Variants in RANBP2 observed in about 807,000 individuals in gnomAD.
The protein encoded by RANBP2 is E3 SUMO-protein ligase RanBP2.
Under a neutral mutation model 303.6 loss-of-function variants are expected in RANBP2, and 57 were observed. The observed-to-expected ratio is 0.19, with a 90% CI of 0.15 to 0.23. RANBP2 has a LOEUF of 0.23. Ranked by LOEUF, RANBP2 falls within the 10% of genes least tolerant of loss-of-function variation. The pLI, the probability that RANBP2 is intolerant of heterozygous loss-of-function variation, is 1.00. For missense variants in RANBP2, 3,138 were observed against 3,780.8 expected (o/e 0.83, Z 4.46); for synonymous variants, 1,167 against 1,301.5 (o/e 0.90, Z 2.23).
the RANBP2 span, among the ~76,000 whole-genome samples, chr2:108,986,317 G>A: frequency 1.3e-5 from 2 of 152,082 alleles, no homozygotes; most frequent in Non-Finnish European, 1.5e-5. Context: ...TTGATCCCTC[G>A]CCTCTGAGGA....
At chr2:109,337,193 G>T in the RANBP2 span, among the ~76,000 whole-genome samples, 9 of 152,112 alleles carry the variant, frequency 5.9e-5, no homozygotes, top group Admixed American at 5.2e-4. Context: ...CCTGAGATTG[G>T]CCACATGATT....
At chr2:109,250,600 GTAA>G in the RANBP2 span, among the ~76,000 whole-genome samples, 3 of 151,468 alleles carry the variant, frequency 2.0e-5, no homozygotes, top group Admixed American at 6.6e-5. Context: ...AATAATAACA[GTAA>G]TAATAATAAT....
the RANBP2 span, among the ~76,000 whole-genome samples, chr2:109,436,422 G>A: frequency 7.9e-5 from 12 of 152,172 alleles, no homozygotes; most frequent in South Asian, 8.3e-4. Context: ...GAAGGATGTC[G>A]TGCTGTGTGT....
the RANBP2 span, among the ~76,000 whole-genome samples, chr2:109,308,024 G>A: frequency 1.4e-5 from 2 of 145,888 alleles, no homozygotes; most frequent in Non-Finnish European, 3.0e-5. Context: ...GGTTGAACTA[G>A]TTTACAGTCC....
the RANBP2 span, chr2:109,129,729 C>G: frequency 1.8e-5 from 28 of 1,538,580 alleles, no homozygotes; most frequent in Non-Finnish European, 2.4e-5. Flanking sequence ...GTCTGGAGCG[C>G]CTGGACACCA....
chr2:108,807,595 T>C, the RANBP2 span, among the ~76,000 whole-genome samples: 5 of 152,158 alleles, frequency 3.3e-5, no homozygotes, highest in Non-Finnish European at 4.4e-5. Flanking sequence ...TAGAACTTAT[T>C]CCTCTTATCT....
chr2:108,788,170 G>A (rs1679237670), downstream of RANBP2: 6 of 1,444,660 alleles, frequency 4.2e-6, no homozygotes, highest in Middle Eastern at 5.0e-4. Context: ...TGTAATCCCA[G>A]CACTTTGGGA....
At chr2:109,428,380 G>A in the RANBP2 span, among the ~76,000 whole-genome samples, 6 of 152,234 alleles carry the variant, frequency 3.9e-5, no homozygotes, top group African/African-American at 1.2e-4. Flanking sequence ...AGTAGTATGG[G>A]TAAGCGAAGG....
At chr2:109,012,737 A>G in the RANBP2 span, among the ~76,000 whole-genome samples, 3 of 152,168 alleles carry the variant, frequency 2.0e-5, no homozygotes, top group East Asian at 3.9e-4. Context: ...ACACGGTGAA[A>G]CCCCATCTCT....
chr2:109,057,735 G>A, the RANBP2 span, among the ~76,000 whole-genome samples: 1 of 152,202 alleles, frequency 6.6e-6, no homozygotes, highest in Admixed American at 6.5e-5. Context: ...GGCTCTGCAG[G>A]ATGAGCAAAG....
At chr2:109,573,457 G>C in the RANBP2 span, among the ~76,000 whole-genome samples, 1 of 152,154 alleles carries the variant, frequency 6.6e-6, no homozygotes, top group East Asian at 1.9e-4. Context: ...TAGAACATCT[G>C]ATCACATGTG....
At chr2:109,223,232 G>A in the RANBP2 span, among the ~76,000 whole-genome samples, 1 of 152,208 alleles carries the variant, frequency 6.6e-6, no homozygotes, top group African/African-American at 2.4e-5. Flanking sequence ...GCAGTCAAGT[G>A]CCCTGATAAC....
the RANBP2 span, among the ~76,000 whole-genome samples, chr2:109,057,384 T>C: frequency 1.3e-5 from 2 of 152,242 alleles, no homozygotes; most frequent in Non-Finnish European, 2.9e-5. Flanking sequence ...TTATTTCCAA[T>C]GGGTCTTAGT....
chr2:109,137,017 A>G, the RANBP2 span, among the ~76,000 whole-genome samples: 1 of 152,348 alleles, frequency 6.6e-6, no homozygotes, highest in African/African-American at 2.4e-5. Context: ...ACCATACACT[A>G]CAGTGGACAC....
the RANBP2 span, among the ~76,000 whole-genome samples, chr2:108,997,470 G>C: frequency 3.3e-5 from 4 of 120,406 alleles, no homozygotes; most frequent in African/African-American, 1.2e-4. Flanking sequence ...AAAAGATGAT[G>C]GTCAGTAAGG....
chr2:109,115,821 G>C, the RANBP2 span, among the ~76,000 whole-genome samples: 1 of 152,170 alleles, frequency 6.6e-6, no homozygotes, highest in Non-Finnish European at 1.5e-5. Flanking sequence ...TTTAGGGCAG[G>C]CCTGGTGGTG....
chr2:108,745,026 A>C (rs1036653316), intron 7 of RANBP2, among the ~76,000 whole-genome samples: 5 of 151,798 alleles, frequency 3.3e-5, no homozygotes, highest in African/African-American at 1.2e-4. Context: ...ATTAGTTTGG[A>C]TGCTTGCATA....
chr2:109,199,612 T>TCAATC, the RANBP2 span, among the ~76,000 whole-genome samples: 1 of 336 alleles, frequency 3.0e-3, no homozygotes, highest in African/African-American at 8.8e-3. Context: ...TGGAATGGAA[T>TCAATC]GGAATGGAAT....
the RANBP2 span, chr2:108,896,953 C>G: frequency 6.2e-7 from 1 of 1,613,560 alleles, no homozygotes; most frequent in Admixed American, 1.7e-5. Flanking sequence ...AACCCCCGCC[C>G]ACTCCAGTAT....
Sources: allele counts gnomAD v4.1 joint callset (sites outside exome capture counted in the v4.1 genomes callset), GRCh38; gene constraint gnomAD v4.1.1; transcripts MANE v1.5; gene names NCBI Gene and HGNC (gene_info 2026-07-23, HGNC 2026-07-21).